CFAP44: variants seen among roughly 807,000 people sequenced by gnomAD.
CFAP44 encodes cilia and flagella associated protein 44, also known as cilia- and flagella-associated protein 44.
CFAP44 carries 134 observed loss-of-function variants against 216.2 expected under a neutral mutation model. The observed-to-expected ratio is 0.62, with a 90% CI of 0.54 to 0.72. The LOEUF (loss-of-function observed/expected upper bound fraction) is 0.72, where lower values mean the gene tolerates loss of function less well. Ranked by LOEUF, CFAP44 falls within the 30% of genes least tolerant of loss-of-function variation. The pLI is 0.00. For synonymous variants in CFAP44, 700 were observed against 727.6 expected (o/e 0.96, Z 0.61); for missense variants, 2,035 against 2,182.1 (o/e 0.93, Z 1.34).
intron 1 of CFAP44, among the ~76,000 whole-genome samples, chr3:113,435,895 CCTTT>C (rs1042455792): frequency 1.4e-5 from 2 of 148,144 alleles, no homozygotes; most frequent in African/African-American, 5.0e-5. Flanking sequence ...GTTTTCCTTT[CCTTT>C]CTTTTTTAGT....
intron 24 of CFAP44, among the ~76,000 whole-genome samples, chr3:113,336,381 T>C (rs1950282128): frequency 6.6e-6 from 1 of 151,806 alleles, no homozygotes; most frequent in South Asian, 2.1e-4. Context: ...ACAGAGGGCA[T>C]CAAAACAGAT....
At chr3:113,330,026 G>A in intron 26 of CFAP44, 142 bp downstream of exon 26, 1 of 974,252 alleles carries the variant, frequency 1.0e-6, no homozygotes, top group Non-Finnish European at 1.4e-6. Flanking sequence ...AGGAAGCCAA[G>A]CCATCACTGA....
At chr3:113,309,670 T>C (rs923114646) in intron 28 of CFAP44, among the ~76,000 whole-genome samples, 1 of 152,104 alleles carries the variant, frequency 6.6e-6, no homozygotes, top group Non-Finnish European at 1.5e-5. Context: ...ATCACCAATT[T>C]ACAATTTATA....
intron 23 of CFAP44, among the ~76,000 whole-genome samples, chr3:113,343,543 G>T (rs779697903): frequency 6.6e-6 from 1 of 152,150 alleles, no homozygotes; most frequent in Non-Finnish European, 1.5e-5. Flanking sequence ...GTGTGGTCAT[G>T]GGAAGGCCTT....
chr3:113,346,474 C>T (rs985131326), intron 22 of CFAP44, among the ~76,000 whole-genome samples: 6 of 151,786 alleles, frequency 4.0e-5, no homozygotes, highest in African/African-American at 1.5e-4. Flanking sequence ...GTAAGCACAC[C>T]AATCAGCACT....
At position 113,303,925 on chromosome 3, in the gene CFAP44, T is replaced by C; in HGVS notation, c.5068A>G (p.Thr1690Ala). 1 of 1,537,662 alleles carries C rather than the reference T, an allele frequency of 6.5e-7. No individual in the cohort carries two copies. The highest frequency in any genetic ancestry group is 8.7e-7 in the Non-Finnish European group (1 of 1,146,986). ...GGGCTTAGATACTCACTGTGTATGG[T>C]TTTTGTCATTTCTCTCTTTTCTCGG... is the stretch of plus-strand genomic sequence containing the variant. ...LIREKREMTK[T>A]IHKMEETVRQ... Residue 1690 changes from threonine (T) to alanine (A), a missense_variant, in exon 32 of 35, where the codon ACC becomes GCC. By Grantham distance (58) the Thr-to-Ala change is moderately conservative (BLOSUM62 0). Around this residue, in one of 3 missense-constraint regions of CFAP44, gnomAD observed 1,883 missense variants for 2,023.7 expected, o/e 0.93. Coordinates refer to ENST00000393845, the MANE Select transcript of CFAP44 (RefSeq NM_001164496.2).
chr3:113,408,005 G>A (rs2107370537), intron 7 of CFAP44, among the ~76,000 whole-genome samples: 1 of 152,126 alleles, frequency 6.6e-6, no homozygotes, highest in Admixed American at 6.5e-5. Flanking sequence ...ATAAGAAATT[G>A]GAAAATTTTC....
intron 28 of CFAP44, among the ~76,000 whole-genome samples, chr3:113,319,602 A>G (rs1482006966): frequency 6.6e-6 from 1 of 152,234 alleles, no homozygotes; most frequent in African/African-American, 2.4e-5. Context: ...ACGCATCTAC[A>G]GAACACTCAA....
At chr3:113,292,671 A>C (rs1357009873) in intron 34 of CFAP44, among the ~76,000 whole-genome samples, 1 of 152,218 alleles carries the variant, frequency 6.6e-6, no homozygotes, top group Non-Finnish European at 1.5e-5. Context: ...TCAAGCTGGA[A>C]GCAGAGTTAG....
At chr3:113,433,142 A>G (rs894954325) in intron 2 of CFAP44, among the ~76,000 whole-genome samples, 2 of 151,992 alleles carry the variant, frequency 1.3e-5, no homozygotes, top group African/African-American at 4.8e-5. Context: ...TATAAGATCT[A>G]TTTTGGCCCA....
At chr3:113,325,056 C>T (rs1002239849) in intron 28 of CFAP44, among the ~76,000 whole-genome samples, 1 of 152,072 alleles carries the variant, frequency 6.6e-6, no homozygotes, top group African/African-American at 2.4e-5. Flanking sequence ...GTAATCCCAG[C>T]ACTTTGGGAG....
chr3:113,414,399 G>A lies in CFAP44; in HGVS notation c.673+2126C>T, dbSNP rs761977485. Among the ~76,000 whole-genome samples the A allele has an allele frequency of 2.6e-5, 4 of 152,234 alleles. No homozygotes were observed. In the South Asian group the frequency reaches 8.3e-4, roughly 32 times the overall value. On this transcript the variant is annotated intron_variant, in intron 6 of 34. Transcript: ENST00000393845. ...TGTCCAGAACTTCCAATACTATGTT[G>A]AATAGGAGTGGTGAGAGAGGGCATC...
chr3:113,407,484 A>G (rs1047203630), intron 7 of CFAP44, among the ~76,000 whole-genome samples: 1 of 152,200 alleles, frequency 6.6e-6, no homozygotes, highest in African/African-American at 2.4e-5. Context: ...AAGTTCTATT[A>G]GACAGTATTG....
At chr3:113,407,518 C>T (rs777589127) in intron 7 of CFAP44, among the ~76,000 whole-genome samples, 1 of 152,064 alleles carries the variant, frequency 6.6e-6, no homozygotes, top group Non-Finnish European at 1.5e-5. Flanking sequence ...AAAAGTTTTC[C>T]AAAGAATTCT....
intron 15 of CFAP44, among the ~76,000 whole-genome samples, chr3:113,394,204 T>A (rs893915122): frequency 3.3e-5 from 5 of 152,084 alleles, no homozygotes; most frequent in African/African-American, 1.2e-4. Context: ...TCTACAGCAT[T>A]TTTTCATATG....
At position 113,308,267 on chromosome 3, in the gene CFAP44, A is replaced by G; in HGVS notation, c.4518T>C (p.Asp1506=). The part of the protein sequence containing the change: ...VKKKEVEGDA[D]EDEESEESSE... Reference sequence around the variant, plus strand: ...TTGATTCCTCACTCTCCTCATCTTCATCTATGGAAAGAGGAGGGCATTGTT... The same window carrying G: ...TTGATTCCTCACTCTCCTCATCTTCGTCTATGGAAAGAGGAGGGCATTGTT... The change falls in exon 29 of 35, where the codon GAT becomes GAC. Residue 1506 remains aspartate (D), a splice_region_variant and synonymous_variant. Coordinates refer to ENST00000393845, the MANE Select transcript of CFAP44 (RefSeq NM_001164496.2). The G allele has an allele frequency of 2.6e-6, 4 of 1,527,636 alleles. No individual in the cohort carries two copies. Among genetic ancestry groups the G allele is most frequent in the Non-Finnish European group, 2.6e-6 (3 of 1,143,062 alleles). The allele number at this position is 1,527,636 out of a possible 1,614,324, so 94.6% of individuals were successfully genotyped here. A position where few individuals can be genotyped will look rare whatever the true frequency, so the allele number is the denominator to read the frequency against.
chr3:113,326,646 T>C lies in CFAP44; in HGVS notation c.4321-6A>G. On this transcript the variant is annotated splice_region_variant and splice_polypyrimidine_tract_variant and intron_variant, in intron 27 of 34. Coordinates refer to ENST00000393845, the MANE Select transcript of CFAP44 (RefSeq NM_001164496.2). ...AGAGTTTCATTTATTTTCCACTAAA[T>C]GAATAAAAACAAGGACAAATGATAA... The C allele has an allele frequency of 6.8e-7, 1 of 1,463,900 alleles. No homozygotes were observed. Among genetic ancestry groups the C allele is most frequent in the Non-Finnish European group, 9.0e-7 (1 of 1,108,382 alleles). The allele number at this position is 1,463,900 out of a possible 1,614,324, so 90.7% of individuals were successfully genotyped here.
chr3:113,414,897 T>G (rs1474409433), intron 6 of CFAP44, among the ~76,000 whole-genome samples: 1 of 152,086 alleles, frequency 6.6e-6, no homozygotes, highest in East Asian at 1.9e-4. Context: ...GGAAGGAGTC[T>G]CTCCTTTTCA....
In CFAP44 at chr3:113,409,214, T is replaced by C. The variant is rs748287314; in HGVS notation, c.782A>G (p.Glu261Gly). Residue 261 changes from glutamate (E) to glycine (G), a missense_variant, in exon 7 of 35, where the codon GAA (glutamate) becomes GGA (glycine). Glu to Gly is a moderately conservative substitution (Grantham distance 98). Transcript: ENST00000393845. ...TTTTGTCCTTAGTATGGGTTGTTCT[T>C]CTTTCCAGTTCCAGATAGTCAGTGT... ...DYTLTIWNWK[E>G]EQPILRTKAF... 1.9e-6 allele frequency: 3 copies of C among 1,614,012 alleles called. No homozygotes were observed. The highest frequency in any genetic ancestry group is 2.7e-5 in the African/African-American group (2 of 74,914).
Sources: allele counts gnomAD v4.1 joint callset (sites outside exome capture counted in the v4.1 genomes callset), GRCh38; gene constraint gnomAD v4.1.1; regional missense constraint gnomAD v4.1.1; transcripts MANE v1.5; gene names NCBI Gene and HGNC (gene_info 2026-07-23, HGNC 2026-07-21).